LRRC37A: variants seen among roughly 807,000 people sequenced by gnomAD.
The protein encoded by LRRC37A is leucine-rich repeat-containing protein 37A.
Under a neutral mutation model 35.4 loss-of-function variants are expected in LRRC37A, and 3 were observed. The ratio of observed to expected loss-of-function variants is 0.08; its 90% CI spans 0.04 to 0.22. The LOEUF is 0.22. Among genes scored for constraint, LRRC37A ranks in the 10% least tolerant of loss-of-function variants. The pLI is 1.00. For missense variants in LRRC37A, 67 were observed against 565.3 expected, an observed-to-expected ratio of 0.12 and a Z score of 8.94; for synonymous variants, 23 against 215.0, an observed-to-expected ratio of 0.11 and a Z score of 7.81.
chr17:46,274,223 T>C, the LRRC37A span, among the ~76,000 whole-genome samples: 1 of 152,256 alleles, frequency 6.6e-6, no homozygotes, highest in African/African-American at 2.4e-5. Flanking sequence ...TTATTTTGTT[T>C]CACATACATC....
At chr17:46,279,464 A>G in the LRRC37A span, among the ~76,000 whole-genome samples, 16,175 of 145,818 alleles carry the variant, frequency 0.11, 1 homozygote, top group Middle Eastern at 0.17. Flanking sequence ...GATTACAGGC[A>G]TGAGCCACCG....
the LRRC37A span, among the ~76,000 whole-genome samples, chr17:46,279,182 T>C: frequency 1.3e-5 from 2 of 151,524 alleles, no homozygotes; most frequent in East Asian, 1.9e-4. Flanking sequence ...ATTCTTTTTT[T>C]TCTTTTTTTT....
the LRRC37A span, among the ~76,000 whole-genome samples, chr17:46,276,156 G>A: frequency 1.3e-5 from 2 of 152,258 alleles, no homozygotes; most frequent in Admixed American, 6.5e-5. Context: ...CTCCCAAAGT[G>A]CTGGGATTAC....
chr17:46,262,359 CTCT>C, the LRRC37A span, among the ~76,000 whole-genome samples: 13,343 of 149,786 alleles, frequency 0.089, 715 homozygotes, highest in East Asian at 0.31. Context: ...CTCCCTTCCC[CTCT>C]TCTTCTTCTT....
chr17:46,251,689 G>C, the LRRC37A span, among the ~76,000 whole-genome samples: 1 of 150,944 alleles, frequency 6.6e-6, no homozygotes, highest in African/African-American at 2.4e-5. Context: ...CGACACTATT[G>C]ATAGGCCACA....
chr17:46,316,705 A>G lies in LRRC37A; in HGVS notation c.2907-5617A>G, dbSNP rs1329282388. 1.8e-4 allele frequency among the ~76,000 whole-genome samples: 13 copies of G among 71,358 alleles called. 1 individual carries two copies. Among genetic ancestry groups the G allele is most frequent in the African/African-American group, 3.0e-4 (7 of 23,642 alleles). 46.8% of individuals were successfully genotyped at this position (71,358 alleles called of 152,430 possible). A position where few individuals can be genotyped will look rare whatever the true frequency, so the allele number is the denominator to read the frequency against. On this transcript the variant is annotated intron_variant, in intron 5 of 13. Transcript: ENST00000320254. ...ATAGGACAATAGTGGAGGGAAGGTC[A>G]GCAGATAAACAAGTGAACAAAGGTC... is the stretch of plus-strand genomic sequence containing the variant.
the LRRC37A span, among the ~76,000 whole-genome samples, chr17:46,285,640 T>C: frequency 6.6e-6 from 1 of 152,304 alleles, no homozygotes; most frequent in South Asian, 2.1e-4. Context: ...ATAAAATGTA[T>C]AAAGAAGTGA....
chr17:46,287,729 G>A, the LRRC37A span, among the ~76,000 whole-genome samples: 1,252 of 152,244 alleles, frequency 8.2e-3, 20 homozygotes, highest in African/African-American at 0.027. Context: ...GTTCAACATC[G>A]GGGACATGGT....
At chr17:46,275,608 G>A in the LRRC37A span, among the ~76,000 whole-genome samples, 1 of 152,154 alleles carries the variant, frequency 6.6e-6, no homozygotes, top group Non-Finnish European at 1.5e-5. Context: ...TGTACACTAA[G>A]CATAATAGCT....
chr17:46,251,616 A>C, the LRRC37A span, among the ~76,000 whole-genome samples: 4 of 150,890 alleles, frequency 2.7e-5, no homozygotes, highest in East Asian at 7.7e-4. Flanking sequence ...GACCAGCCGA[A>C]AATGTCAACA....
the LRRC37A span, chr17:46,268,842 G>A: frequency 1.7e-6 from 1 of 591,094 alleles, no homozygotes; most frequent in Non-Finnish European, 2.5e-6. Context: ...TCTCGAAGGT[G>A]TCACTTTGTT....
the LRRC37A span, among the ~76,000 whole-genome samples, chr17:46,276,933 AG>A: frequency 6.6e-6 from 1 of 152,032 alleles, no homozygotes; most frequent in African/African-American, 2.4e-5. Context: ...CCTCCTGGGT[AG>A]CTGGGACTAC....
the LRRC37A span, chr17:46,275,547 T>G: frequency 1.9e-6 from 1 of 531,866 alleles, no homozygotes; most frequent in South Asian, 1.6e-5. Flanking sequence ...GGCAAGCGAA[T>G]AGAAAAGAAC....
At chr17:46,267,345 C>T in the LRRC37A span, 1 of 1,550,942 alleles carries the variant, frequency 6.4e-7, no homozygotes, top group Non-Finnish European at 8.7e-7. Context: ...TAGTGCATGA[C>T]GTGGACGTGC....
At chr17:46,317,129 C>A (rs1299044985) in intron 5 of LRRC37A, among the ~76,000 whole-genome samples, 2 of 89,212 alleles carry the variant, frequency 2.2e-5, no homozygotes, top group East Asian at 2.3e-4. Context: ...CTGTTGGGTA[C>A]ACCTCCCAGA....
upstream of LRRC37A, among the ~76,000 whole-genome samples, chr17:46,288,119 T>C (rs2049967039): frequency 6.6e-6 from 1 of 152,062 alleles, no homozygotes; most frequent in Non-Finnish European, 1.5e-5. Flanking sequence ...TGTGAAGGAA[T>C]AATACATGGC....
chr17:46,261,664 C>T, the LRRC37A span, among the ~76,000 whole-genome samples: 12,880 of 138,144 alleles, frequency 0.093, 1 homozygote, highest in Middle Eastern at 0.16. Flanking sequence ...CTGCCCGCCT[C>T]GGCCTCCCAG....
the LRRC37A span, among the ~76,000 whole-genome samples, chr17:46,287,448 A>C: frequency 6.6e-6 from 1 of 152,288 alleles, no homozygotes; most frequent in African/African-American, 2.4e-5. Context: ...AACACCAAGT[A>C]GAAGTTACAC....
At chr17:46,317,144 G>A (rs1173694887) in intron 5 of LRRC37A, among the ~76,000 whole-genome samples, 4 of 89,820 alleles carry the variant, frequency 4.5e-5, no homozygotes, top group Admixed American at 1.2e-4. Context: ...CCCAGATGGG[G>A]TGGCGGCCGG....
Sources: gnomAD v4.1 joint callset for allele counts (sites outside exome capture counted in the v4.1 genomes callset) on GRCh38, gnomAD v4.1.1 for gene constraint, MANE v1.5 for transcripts, NCBI Gene and HGNC (gene_info 2026-07-23, HGNC 2026-07-21) for gene names.